Variants in GALC observed in about 807,000 individuals in gnomAD.
The protein encoded by GALC is galactocerebrosidase.
GALC carries 77 observed loss-of-function variants against 91.8 expected under a neutral mutation model. The observed-to-expected ratio is 0.84, with a 90% CI of 0.70 to 1.01. The LOEUF is 1.01. Ranked by LOEUF, GALC falls within the 50% of genes least tolerant of loss-of-function variation. GALC has a pLI of 0.00. For missense variants in GALC, 882 were observed against 855.9 expected (o/e 1.03, Z -0.38); for synonymous variants, 357 against 306.7 (o/e 1.16, Z -1.71).
chr14:87,934,977 G>T, intron 16 of GALC, 99 bp from the exon 17 acceptor site: 2 of 839,988 alleles, frequency 2.4e-6, no homozygotes, highest in Non-Finnish European at 4.0e-6. Context: ...TGGAGCAAAT[G>T]TACTACTCAC....
Position 87,967,332 on chromosome 14 carries a change from T to A in GALC, c.908+1003A>T, listed in dbSNP as rs1886099094. Among the ~76,000 whole-genome samples, 4 of 152,288 alleles carry A rather than the reference T, an allele frequency of 2.6e-5. No homozygotes were observed. In the South Asian group the frequency reaches 6.2e-4, roughly 24 times the overall value. On this transcript the variant is annotated intron_variant, in intron 8 of 16. Coordinates refer to ENST00000261304, the MANE Select transcript of GALC (RefSeq NM_000153.4). ...TCATAAGACTGTAGGTGATTTTGCT[T>A]CTTTCTTTGTACCTATCTTCAGTTT...
intron 12 of GALC, among the ~76,000 whole-genome samples, chr14:87,949,325 T>C (rs1335953693): frequency 6.6e-6 from 1 of 151,998 alleles, no homozygotes; most frequent in Admixed American, 6.6e-5. Context: ...GGGAGGATAA[T>C]GAGGGCCATG....
chr14:87,952,755 A>G, intron 10 of GALC: 1 of 1,527,984 alleles, frequency 6.5e-7, no homozygotes, highest in Non-Finnish European at 9.0e-7. Flanking sequence ...TGTTCATGTG[A>G]AAGATTACTT....
chr14:87,967,147 T>C (rs961352329), intron 8 of GALC, among the ~76,000 whole-genome samples: 1 of 152,182 alleles, frequency 6.6e-6, no homozygotes, highest in Non-Finnish European at 1.5e-5. Flanking sequence ...AGTAGAAATA[T>C]AGGTAAATGT....
intron 14 of GALC, among the ~76,000 whole-genome samples, chr14:87,944,202 C>A (rs1884973843): frequency 6.6e-6 from 1 of 151,858 alleles, no homozygotes; most frequent in South Asian, 2.1e-4. Flanking sequence ...GGGAGTAAAT[C>A]TTTGGATGGT....
At chr14:87,993,449 C>T (rs557653194), upstream of GALC, 522 of 1,535,862 alleles carry the variant, frequency 3.4e-4, no homozygotes, top group Admixed American at 5.5e-4. Context: ...TTCCAAGGTC[C>T]GCCAAAGGAA....
chr14:87,965,007 C>A (rs907212775), intron 9 of GALC, among the ~76,000 whole-genome samples: 1 of 152,112 alleles, frequency 6.6e-6, no homozygotes, highest in African/African-American at 2.4e-5. Flanking sequence ...CAATATAAAG[C>A]CATATTTCAC....
intron 3 of GALC, 23 bp from the exon 4 acceptor site, chr14:87,986,625 G>A (rs762427732): frequency 4.1e-6 from 6 of 1,455,820 alleles, no homozygotes; most frequent in African/African-American, 1.4e-5. Context: ...GAGCAAAAAC[G>A]GAAGTAATGA....
chr14:87,993,550 G>C, upstream of GALC: 1 of 1,306,244 alleles, frequency 7.7e-7, no homozygotes, highest in African/African-American at 1.5e-5. Context: ...ACCAGGTCCC[G>C]ATTCCATTGT....
chr14:87,969,945 G>A (rs1170363657), intron 7 of GALC, among the ~76,000 whole-genome samples: 1 of 152,114 alleles, frequency 6.6e-6, no homozygotes, highest in Non-Finnish European at 1.5e-5. Context: ...AAACTCAGGT[G>A]AAAGCAGGCA....
intron 14 of GALC, among the ~76,000 whole-genome samples, chr14:87,943,320 T>G (rs775735997): frequency 3.3e-5 from 5 of 152,052 alleles, no homozygotes; most frequent in African/African-American, 1.2e-4. Flanking sequence ...TAGCCAGTTA[T>G]AGTACAATCT....
chr14:87,984,495 A>G lies in GALC; in HGVS notation c.481T>C (p.Phe161Leu). 1 of 1,614,166 alleles carries G rather than the reference A, an allele frequency of 6.2e-7. No individual in the cohort carries two copies. The highest frequency in any genetic ancestry group is 8.5e-7 in the Non-Finnish European group (1 of 1,180,014). The stretch of plus-strand genomic sequence containing the variant: ...TGAAGATTGACATAAGGCCAGTCGA[A>G]ACCTTTTCCCAGCCATCCAGGGAAT... The part of the protein sequence containing the change: ...WSFPGWLGKG[F>L]DWPYVNLQLT... The change falls in exon 5 of 17, where the codon TTC (phenylalanine) becomes CTC (leucine). Residue 161 changes from phenylalanine to leucine, a missense_variant. By Grantham distance (22) the Phe-to-Leu change is conservative. Coordinates refer to ENST00000261304, the MANE Select transcript of GALC (RefSeq NM_000153.4).
At chr14:87,950,620 T>C (rs1287747650) in intron 11 of GALC, 39 bp downstream of exon 11, 1 of 1,277,090 alleles carries the variant, frequency 7.8e-7, no homozygotes, top group Non-Finnish European at 1.1e-6. Context: ...TATAAATTCT[T>C]AAATCAAAAC....
At chr14:87,966,939 T>C (rs1054138392) in intron 8 of GALC, among the ~76,000 whole-genome samples, 2 of 152,182 alleles carry the variant, frequency 1.3e-5, no homozygotes, top group Admixed American at 6.6e-5. Context: ...TCCCAACTTG[T>C]GTGGCATCAG....
intron 16 of GALC, among the ~76,000 whole-genome samples, chr14:87,938,576 A>G (rs1333792990): frequency 2.0e-5 from 3 of 152,022 alleles, no homozygotes; most frequent in Admixed American, 1.3e-4. Context: ...AGGATAGTCC[A>G]TTGTAATAAA....
At chr14:87,958,888 A>T (rs1885674760) in intron 10 of GALC, among the ~76,000 whole-genome samples, 1 of 152,120 alleles carries the variant, frequency 6.6e-6, no homozygotes, top group Non-Finnish European at 1.5e-5. Flanking sequence ...AAACTATAAA[A>T]CTAGAAAAAA....
intron 12 of GALC, among the ~76,000 whole-genome samples, chr14:87,949,172 C>G (rs1885203692): frequency 6.7e-6 from 1 of 149,264 alleles, no homozygotes; most frequent in Non-Finnish European, 1.5e-5. Flanking sequence ...AGAGGCCATT[C>G]TAGGTGAAGA....
chr14:87,942,652 G>A (rs1384288669), intron 14 of GALC, among the ~76,000 whole-genome samples: 1 of 151,964 alleles, frequency 6.6e-6, no homozygotes, highest in Non-Finnish European at 1.5e-5. Flanking sequence ...ATGGGCTGGG[G>A]GGAATGAGAT....
At chr14:87,961,952 A>G (rs919020686) in intron 10 of GALC, among the ~76,000 whole-genome samples, 1 of 152,152 alleles carries the variant, frequency 6.6e-6, no homozygotes, top group Non-Finnish European at 1.5e-5. Flanking sequence ...TTGGTTTGTG[A>G]TTCCTGTATA....
Sources: gnomAD v4.1 joint callset for allele counts (sites outside exome capture counted in the v4.1 genomes callset) on GRCh38, gnomAD v4.1.1 for gene constraint, MANE v1.5 for transcripts, NCBI Gene and HGNC (gene_info 2026-07-23, HGNC 2026-07-21) for gene names.